The following PABPC1L variants were observed in gnomAD, a reference collection of about 807,000 sequenced individuals.
PABPC1L encodes polyadenylate-binding protein 1-like.
A neutral mutation model predicts 66.6 loss-of-function variants in PABPC1L; 31 were observed. The observed-to-expected ratio is 0.47, with a 90% confidence interval of 0.35 to 0.63. The LOEUF (loss-of-function observed/expected upper bound fraction) is 0.63, where lower values mean the gene tolerates loss of function less well. PABPC1L is among the 20% of genes least tolerant of loss of function. PABPC1L has a pLI of 0.00. For synonymous variants in PABPC1L, 348 were observed against 335.1 expected (o/e 1.04, Z -0.42); for missense variants, 722 against 848.8 (o/e 0.85, Z 1.86).
intron 13 of PABPC1L, 144 bp from the exon 14 acceptor site, chr20:44,938,530 A>T: frequency 1.1e-6 from 1 of 906,196 alleles, no homozygotes; most frequent in Non-Finnish European, 1.7e-6. Flanking sequence ...TCTTGCAAGC[A>T]GTGGTGGATG....
rs752356586 is a variant in PABPC1L at position 44,936,683 on chromosome 20, C to T, written c.1613C>T (p.Ala538Val). Residue 538 changes from alanine to valine, a missense_variant, in exon 12 of 15, where the codon GCG (alanine) becomes GTG (valine). Ala to Val is a moderately conservative substitution (Grantham distance 64). Coordinates refer to ENST00000217073, the MANE Select transcript of PABPC1L (RefSeq NM_001372179.1). ...ATCCCAGGACAGGAGCCCCTGACCG[C>T]GTCCATGCTGGCTGCGGCGCCCCTG... ...VHIPGQEPLT[A>V]SMLAAAPLHE... The T allele has an allele frequency of 5.0e-6, 8 of 1,608,314 alleles. No individual in the cohort carries two copies. The highest frequency in any genetic ancestry group is 4.5e-5 in the East Asian group (2 of 44,674).
chr20:44,933,445 GTTTT>G (rs986790928), intron 10 of PABPC1L, among the ~76,000 whole-genome samples: 1 of 147,422 alleles, frequency 6.8e-6, no homozygotes, highest in Non-Finnish European at 1.5e-5. Context: ...GAATTTAAAT[GTTTT>G]TTTTTTTCTT....
At chr20:44,927,411 A>G (rs1266514605) in intron 7 of PABPC1L, among the ~76,000 whole-genome samples, 1 of 151,424 alleles carries the variant, frequency 6.6e-6, no homozygotes, top group Non-Finnish European at 1.5e-5. Flanking sequence ...GCAATGGTGC[A>G]ATCTTAGCTC....
chr20:44,931,048 C>CCTTCCCTT (rs1568650039), intron 8 of PABPC1L, among the ~76,000 whole-genome samples: 14 of 26,402 alleles, frequency 5.3e-4, no homozygotes, highest in African/African-American at 1.6e-3. Context: ...TCCCTCCCTT[C>CCTTCCCTT]CCTTCCCTTC....
At chr20:44,932,191 G>A in intron 8 of PABPC1L, 151 bp from the exon 9 acceptor site, 1 of 489,398 alleles carries the variant, frequency 2.0e-6, no homozygotes, top group Non-Finnish European at 3.6e-6. Flanking sequence ...TGAGATGGGA[G>A]GAAGGAGCTT....
Position 44,937,101 on chromosome 20 carries a change from C to T in PABPC1L, c.1660+371C>T, listed in dbSNP as rs142103237. 1.8e-3 allele frequency: 752 copies of T among 419,232 alleles called. 8 individuals are homozygous for T. The East Asian group carries it at 0.029, about 16-fold the overall frequency. The allele number at this position is 419,232 out of a possible 1,614,324, so 26.0% of individuals were successfully genotyped here. On this transcript the variant is annotated intron_variant, in intron 12 of 14. Coordinates refer to ENST00000217073, the MANE Select transcript of PABPC1L (RefSeq NM_001372179.1). ...TAAAGTTCCTCACACCTCTCCTGAA[C>T]GGGAGGAAGCTGCTGTTCACCAGTT...
At chr20:44,939,034 G>C (rs1231241152) in intron 14 of PABPC1L, 92 bp from the exon 15 acceptor site, 2 of 710,870 alleles carry the variant, frequency 2.8e-6, no homozygotes, top group African/African-American at 3.5e-5. Context: ...CTGCCTGCCT[G>C]AAGGCCTGGC....
intron 11 of PABPC1L, among the ~76,000 whole-genome samples, 167 bp from the exon 12 acceptor site, chr20:44,936,470 C>T (rs902940205): frequency 5.9e-5 from 9 of 152,168 alleles, no homozygotes; most frequent in African/African-American, 2.2e-4. Flanking sequence ...GTCTTCTAAT[C>T]CACTTTGCCC....
At position 44,922,702 on chromosome 20, in the gene PABPC1L, C is replaced by T. The variant is rs115444024; in HGVS notation, c.876+971C>T. Among the ~76,000 whole-genome samples, 558 of 152,308 alleles carry T rather than the reference C, an allele frequency of 3.7e-3. 5 individuals carry two copies. The highest frequency in any genetic ancestry group is 0.011 in the African/African-American group (468 of 41,572). On this transcript the variant is annotated intron_variant, in intron 6 of 14. Transcript: ENST00000217073. ...AAGATTTTTCATAAAAGTTCTAGAT[C>T]CTTCATGGAGAGGGGCATATAAATA...
Position 44,926,928 on chromosome 20 carries a change from G to C in PABPC1L, c.972+2672G>C, listed in dbSNP as rs1421894118. 2.7e-5 allele frequency among the ~76,000 whole-genome samples: 4 copies of C among 150,718 alleles called. No individual in the cohort carries two copies. The East Asian group carries it at 7.9e-4, about 30-fold the overall frequency. ...TCTTATTCTGTTGCCCAGGCTGGAG[G>C]GCCATGATGTGATCATGGCACGCCA... is the stretch of plus-strand genomic sequence containing the variant. On this transcript the variant is annotated intron_variant, in intron 7 of 14. Transcript: ENST00000217073.
rs2066893521 is a variant in PABPC1L, at chr20:44,935,387, G to A, written c.1460-4G>A. Reference sequence around the variant, plus strand: ...TTTTTGTTTTGTTTTGTTTTGTTTTGCAGCCAACATTGGTACTCAGACCAC... The same window carrying A: ...TTTTTGTTTTGTTTTGTTTTGTTTTACAGCCAACATTGGTACTCAGACCAC... On this transcript the variant is annotated splice_polypyrimidine_tract_variant and splice_region_variant and intron_variant, in intron 10 of 14. Transcript: ENST00000217073. 1.2e-6 allele frequency: 2 copies of A among 1,611,096 alleles called. No homozygotes were observed. The highest frequency in any genetic ancestry group is 1.7e-6 in the Non-Finnish European group (2 of 1,177,778).
chr20:44,922,228 C>A (rs756406575), intron 6 of PABPC1L, among the ~76,000 whole-genome samples: 1 of 152,044 alleles, frequency 6.6e-6, no homozygotes, highest in Non-Finnish European at 1.5e-5. Context: ...GGGAAGTGAA[C>A]CCCTCTAAGA....
intron 11 of PABPC1L, among the ~76,000 whole-genome samples, chr20:44,935,699 T>C (rs546278194): frequency 1.7e-3 from 264 of 152,334 alleles, no homozygotes; most frequent in Non-Finnish European, 3.2e-3. Flanking sequence ...ACAATTTGTT[T>C]TGCTTCGGTT....
intron 10 of PABPC1L, 111 bp from the exon 11 acceptor site, chr20:44,935,280 T>A: frequency 1.3e-6 from 1 of 765,860 alleles, no homozygotes; most frequent in South Asian, 1.7e-5. Flanking sequence ...TTCTTTACAT[T>A]CTTGTCAACG....
chr20:44,930,884 A>G (rs1264549869), intron 8 of PABPC1L, among the ~76,000 whole-genome samples, 158 bp downstream of exon 8: 1 of 152,258 alleles, frequency 6.6e-6, no homozygotes, highest in East Asian at 1.9e-4. Flanking sequence ...AGGGAGAGAT[A>G]GTGTTAGTCA....
rs776878656 is a variant in PABPC1L at position 44,919,231 on chromosome 20, G to A, written c.692G>A (p.Arg231Gln). Residue 231 changes from arginine (R) to glutamine (Q), a missense_variant, in exon 5 of 15, where the codon CGG becomes CAG. Physicochemically the swap from Arg to Gln is conservative, Grantham distance 43. Around this residue, in one of 3 missense-constraint regions of PABPC1L, gnomAD observed 137 missense variants for 216.8 expected, o/e 0.63. Coordinates refer to ENST00000217073, the MANE Select transcript of PABPC1L (RefSeq NM_001372179.1). ...KVMRDNSGHS[R>Q]CFGFVNFEKH... ...ATGAGGGACAACAGCGGCCACTCGC[G>A]GTGCTTTGGCTTTGTCAACTTTGAG... 21 of 1,614,088 alleles carry A rather than the reference G, an allele frequency of 1.3e-5. No homozygotes were observed. Among genetic ancestry groups the A allele is most frequent in the Admixed American group, 3.3e-5 (2 of 60,000 alleles).
chr20:44,921,073 A>T (rs2066769562), intron 5 of PABPC1L, among the ~76,000 whole-genome samples: 3 of 152,018 alleles, frequency 2.0e-5, no homozygotes, highest in African/African-American at 7.3e-5. Context: ...TTGGCCTCCC[A>T]AAGTGCTGTA....
At chr20:44,934,903 A>G (rs1321591037) in intron 10 of PABPC1L, among the ~76,000 whole-genome samples, 5 of 152,152 alleles carry the variant, frequency 3.3e-5, no homozygotes, top group Non-Finnish European at 7.3e-5. Flanking sequence ...CCCTGTCTCT[A>G]CTAAAAATAC....
chr20:44,922,805 G>T (rs530214253), intron 6 of PABPC1L, among the ~76,000 whole-genome samples: 1 of 152,332 alleles, frequency 6.6e-6, no homozygotes, highest in South Asian at 2.1e-4. Flanking sequence ...GGGACATTTG[G>T]CAATGTCTAG....
Sources: allele counts gnomAD v4.1 joint callset (sites outside exome capture counted in the v4.1 genomes callset), GRCh38; gene constraint gnomAD v4.1.1; regional missense constraint gnomAD v4.1.1; transcripts MANE v1.5; gene names NCBI Gene and HGNC (gene_info 2026-07-23, HGNC 2026-07-21).